Variants in PRH1 observed in about 807,000 individuals in gnomAD.
PRH1 encodes salivary acidic proline-rich phosphoprotein 1/2.
PRH1 carries 7 observed loss-of-function variants against 7.9 expected under a neutral mutation model. That is an observed-to-expected ratio of 0.89 (90% CI 0.50 to 1.67). The LOEUF (loss-of-function observed/expected upper bound fraction) is 1.67. Among genes scored for constraint, PRH1 ranks in the 40% most tolerant of loss-of-function variants. PRH1 has a pLI of 0.00. For synonymous variants in PRH1, 45 were observed against 80.8 expected (o/e 0.56, Z 2.38); for missense variants, 109 against 223.6 (o/e 0.49, Z 3.27).
At position 11,091,431 on chromosome 12, in the gene PRH1, T is replaced by C. The variant is rs1301583689; in HGVS notation, n.124-44243A>G. Reference sequence around the variant, plus strand: ...TGGATTGAAGGATAGCTGAATCTAATAGCTTTGCAGAACATGAAGACAGGT... The same window carrying C: ...TGGATTGAAGGATAGCTGAATCTAACAGCTTTGCAGAACATGAAGACAGGT... On this transcript the variant is annotated intron_variant and non_coding_transcript_variant, in intron 1 of 4. Coordinates refer to the PRH1 transcript ENST00000541977. 6 of 1,256,170 alleles carry C rather than the reference T, an allele frequency of 4.8e-6. 2 individuals are homozygous for C. Among genetic ancestry groups the C allele is most frequent in the South Asian group, 2.3e-5 (2 of 85,544 alleles). 77.8% of individuals were successfully genotyped at this position (1,256,170 alleles called of 1,614,324 possible).
At position 11,090,853 on chromosome 12, in the gene PRH1, G is replaced by A. The variant is rs1487297666; in HGVS notation, n.124-43665C>T. ...AAGCAATGAATTCTAAGCACAATGT[G>A]GTATATTCCTGTGGTTCAAATAACA... On this transcript the variant is annotated intron_variant and non_coding_transcript_variant, in intron 1 of 4. Transcript: ENST00000541977. 6.2e-5 allele frequency among the ~76,000 whole-genome samples: 7 copies of A among 112,466 alleles called. 2 individuals carry two copies. Among genetic ancestry groups the A allele is most frequent in the African/African-American group, 2.1e-4 (7 of 33,946 alleles). The allele number at this position is 112,466 out of a possible 152,430, so 73.8% of individuals were successfully genotyped here.
At chr12:11,101,468 C>A (rs937615073) in intron 1 of PRH1, among the ~76,000 whole-genome samples, 1 of 152,152 alleles carries the variant, frequency 6.6e-6, no homozygotes, top group African/African-American at 2.4e-5. Flanking sequence ...CCAGCCTGGA[C>A]AACAGAGTCA....
At chr12:11,148,433 A>G (rs1325219717) in intron 1 of PRH1, among the ~76,000 whole-genome samples, 108 of 114,604 alleles carry the variant, frequency 9.4e-4, no homozygotes, top group African/African-American at 3.0e-3. Flanking sequence ...TCTGTCATAG[A>G]TAGCTCTTAT....
intron 2 of PRH1, among the ~76,000 whole-genome samples, chr12:10,972,928 A>ATCCCCCCCCCCCCCC (rs1555119295): frequency 2.0e-5 from 2 of 100,324 alleles, no homozygotes; most frequent in African/African-American, 7.6e-5. Context: ...AAGCACCACA[A>ATCCCCCCCCCCCCCC]CCCACCCCCC....
At chr12:10,886,556 G>A (rs1949495194), upstream of PRH1, among the ~76,000 whole-genome samples, 1 of 152,218 alleles carries the variant, frequency 6.6e-6, no homozygotes, top group Admixed American at 6.5e-5. Flanking sequence ...GACACTGTCT[G>A]TGAGTGAAGG....
chr12:11,103,886 T>G (rs1018228561), intron 1 of PRH1, among the ~76,000 whole-genome samples: 2 of 152,082 alleles, frequency 1.3e-5, no homozygotes, highest in Non-Finnish European at 2.9e-5. Flanking sequence ...TGGTGTTAAG[T>G]CATTGTGAGG....
chr12:10,998,086 A>G (rs552640524), intron 1 of PRH1, among the ~76,000 whole-genome samples: 1 of 152,296 alleles, frequency 6.6e-6, no homozygotes, highest in South Asian at 2.1e-4. Context: ...AAATACTGTT[A>G]GTCCCAAAAC....
intron 1 of PRH1, among the ~76,000 whole-genome samples, chr12:11,170,600 T>C (rs954817986): frequency 6.6e-6 from 1 of 152,200 alleles, no homozygotes; most frequent in African/African-American, 2.4e-5. Flanking sequence ...TTCCAGCTCT[T>C]GGAGCCTAGC....
intron 2 of PRH1, among the ~76,000 whole-genome samples, chr12:10,945,864 C>T (rs1950478988): frequency 6.6e-6 from 1 of 152,178 alleles, no homozygotes; most frequent in African/African-American, 2.4e-5. Context: ...AGGGATGTTC[C>T]TTGCTGAGAA....
At chr12:11,005,966 C>A (rs1043385502) in intron 1 of PRH1, 1 of 151,844 alleles carries the variant, frequency 6.6e-6, no homozygotes, top group African/African-American at 2.4e-5. Context: ...TTTTATTTTT[C>A]TGTTTAATTT....
At chr12:11,116,983 T>TAAA (rs1945749081), downstream of PRH1, among the ~76,000 whole-genome samples, 1 of 151,988 alleles carries the variant, frequency 6.6e-6, no homozygotes, top group Non-Finnish European at 1.5e-5. Flanking sequence ...TGGGAAAAAC[T>TAAA]AAAAGGCTTT....
At chr12:10,983,512 T>TG (rs1939457738) in intron 1 of PRH1, among the ~76,000 whole-genome samples, 1 of 152,118 alleles carries the variant, frequency 6.6e-6, no homozygotes, top group East Asian at 1.9e-4. Context: ...AACACCACAC[T>TG]GGGGGCATGA....
intron 2 of PRH1, among the ~76,000 whole-genome samples, chr12:10,967,486 A>G (rs1367316427): frequency 6.6e-6 from 1 of 152,274 alleles, no homozygotes; most frequent in Admixed American, 6.5e-5. Context: ...CTGCTTTTCA[A>G]GCCCCTAAAT....
chr12:10,956,916 C>T (rs924529361), intron 2 of PRH1, among the ~76,000 whole-genome samples: 5 of 151,948 alleles, frequency 3.3e-5, no homozygotes, highest in African/African-American at 7.3e-5. Flanking sequence ...TCCAATAAGA[C>T]ATGGACAAAC....
chr12:10,940,561 T>G (rs1018660038), intron 2 of PRH1, among the ~76,000 whole-genome samples: 1 of 152,190 alleles, frequency 6.6e-6, no homozygotes, highest in African/African-American at 2.4e-5. Context: ...GGCATATTGC[T>G]TCATCAGCAC....
In PRH1 at chr12:10,883,070, C is replaced by T. The variant is rs369033829; in HGVS notation, c.91G>A (p.Val31Ile). Reference protein sequence around the residue: ...EDVSQEDVPLVISDGGDSEQF... With the variant: ...EDVSQEDVPLIISDGGDSEQF... ...ATTTATTGGGATTTACCTGATATTA[C>T]GAGGGGAACATCTTCCTGGCTGACA... The change falls in exon 2 of 4, where the codon GTA becomes ATA. Residue 31 changes from valine (V) to isoleucine (I), a missense_variant. Physicochemically the swap from Val to Ile is conservative, Grantham distance 29. Coordinates refer to ENST00000543626, the MANE Select transcript of PRH1 (RefSeq NM_001393989.1). 3.6e-5 allele frequency: 58 copies of T among 1,613,164 alleles called. No homozygotes were observed. Among genetic ancestry groups the T allele is most frequent in the African/African-American group, 1.1e-4 (8 of 74,938 alleles).
chr12:11,158,796 C>T (rs1317640542), intron 1 of PRH1: 3 of 151,982 alleles, frequency 2.0e-5, no homozygotes, highest in Non-Finnish European at 2.9e-5. Context: ...AAAGGTTTTG[C>T]TTTTTTCAGA....
At chr12:11,116,634 C>T (rs1015767910), downstream of PRH1, among the ~76,000 whole-genome samples, 2 of 152,096 alleles carry the variant, frequency 1.3e-5, no homozygotes, top group South Asian at 2.1e-4. Flanking sequence ...AGGAAAACAA[C>T]AAGCACATAT....
intron 1 of PRH1, among the ~76,000 whole-genome samples, chr12:11,122,692 T>C (rs1310584412): frequency 6.6e-6 from 1 of 152,296 alleles, no homozygotes; most frequent in East Asian, 1.9e-4. Flanking sequence ...CTCTTAGAGT[T>C]ATACATGAAT....
Sources: gnomAD v4.1 joint callset for allele counts (sites outside exome capture counted in the v4.1 genomes callset) on GRCh38, gnomAD v4.1.1 for gene constraint, MANE v1.5 for transcripts, NCBI Gene and HGNC (gene_info 2026-07-23, HGNC 2026-07-21) for gene names.